Variants in AGTPBP1 observed in about 807,000 individuals in gnomAD.
The protein encoded by AGTPBP1 is ATP/GTP binding carboxypeptidase 1, also known as cytosolic carboxypeptidase 1.
Under a neutral mutation model 143.9 loss-of-function variants are expected in AGTPBP1, and 70 were observed. That is an observed-to-expected ratio of 0.49 (90% CI 0.40 to 0.59). AGTPBP1 has a LOEUF of 0.59. Among genes scored for constraint, AGTPBP1 ranks in the 20% least tolerant of loss-of-function variants. The pLI is 0.00. For synonymous variants in AGTPBP1, 463 were observed against 500.2 expected, an observed-to-expected ratio of 0.93 and a Z score of 0.99; for missense variants, 1,229 against 1,464.5, an observed-to-expected ratio of 0.84 and a Z score of 2.62.
chr9:85,735,174 A>C (rs1049385499), intron 1 of AGTPBP1, among the ~76,000 whole-genome samples: 15 of 152,242 alleles, frequency 9.9e-5, no homozygotes, highest in African/African-American at 3.1e-4. Context: ...TCTGGTATAT[A>C]CATATAACAG....
chr9:85,778,698 G>T, the AGTPBP1 span, among the ~76,000 whole-genome samples: 1 of 152,138 alleles, frequency 6.6e-6, no homozygotes, highest in Non-Finnish European at 1.5e-5. Flanking sequence ...AGGAAGGGCC[G>T]AATGCAGCAA....
chr9:85,665,633 C>T (rs1360518604), intron 8 of AGTPBP1, among the ~76,000 whole-genome samples: 1 of 152,084 alleles, frequency 6.6e-6, no homozygotes, highest in Non-Finnish European at 1.5e-5. Flanking sequence ...ACTCTTTCTC[C>T]CTACTGGTAG....
At chr9:85,728,300 A>G (rs1838653816) in intron 1 of AGTPBP1, among the ~76,000 whole-genome samples, 1 of 152,110 alleles carries the variant, frequency 6.6e-6, no homozygotes, top group Admixed American at 6.6e-5. Context: ...CCTTTCTCTG[A>G]ATCTTGTGCT....
intron 8 of AGTPBP1, among the ~76,000 whole-genome samples, chr9:85,662,920 C>A (rs1224406166): frequency 6.6e-6 from 1 of 151,800 alleles, no homozygotes; most frequent in African/African-American, 2.4e-5. Flanking sequence ...GTTTAAGATA[C>A]TGGATATTAA....
At chr9:85,616,229 G>A (rs1393822593) in intron 17 of AGTPBP1, among the ~76,000 whole-genome samples, 3 of 151,882 alleles carry the variant, frequency 2.0e-5, no homozygotes, top group African/African-American at 4.8e-5. Flanking sequence ...AGTGAGTTTG[G>A]AAAGTGTGAT....
intron 25 of AGTPBP1, among the ~76,000 whole-genome samples, chr9:85,562,444 A>T (rs1375112469): frequency 6.6e-6 from 1 of 152,250 alleles, no homozygotes; most frequent in Admixed American, 6.5e-5. Flanking sequence ...GCTTACATAC[A>T]TAGTAACACC....
At chr9:85,738,425 T>A (rs1823968730) in intron 1 of AGTPBP1, among the ~76,000 whole-genome samples, 1 of 151,746 alleles carries the variant, frequency 6.6e-6, no homozygotes, top group South Asian at 2.1e-4. Flanking sequence ...AAAAAGAAAA[T>A]GCTTAGATAA....
rs762052181 is a variant in AGTPBP1, at chr9:85,642,904, G to T, written c.1225C>A (p.Gln409Lys). 3 of 1,613,350 alleles carry T rather than the reference G, an allele frequency of 1.9e-6. No homozygotes were observed. Among genetic ancestry groups the T allele is most frequent in the Non-Finnish European group, 2.5e-6 (3 of 1,179,830 alleles). The change falls in exon 13 of 26, where the codon CAG (glutamine) becomes AAG (lysine). Residue 409 changes from glutamine to lysine, a missense_variant. Physicochemically the swap from Gln to Lys is moderately conservative, Grantham distance 53 (BLOSUM62 1). Coordinates refer to ENST00000357081, the MANE Select transcript of AGTPBP1 (RefSeq NM_001330701.2). ...IETDINKLKP[Q>K]QEPGRTIEDL... ...TCTATTGTTCGTCCCGGTTCTTGCT[G>T]GGGTTTTAGTTTGTTAATATCTGTT...
At chr9:85,634,681 G>A (rs1414154352) in intron 13 of AGTPBP1, among the ~76,000 whole-genome samples, 1 of 152,150 alleles carries the variant, frequency 6.6e-6, no homozygotes, top group Non-Finnish European at 1.5e-5. Context: ...GATAAATAAG[G>A]TGTATATTGA....
At chr9:85,620,799 G>C (rs778060430) in intron 15 of AGTPBP1, among the ~76,000 whole-genome samples, 1 of 152,148 alleles carries the variant, frequency 6.6e-6, no homozygotes, top group Non-Finnish European at 1.5e-5. Context: ...ATGCTCCTTC[G>C]AAAGGGATGG....
the AGTPBP1 span, among the ~76,000 whole-genome samples, chr9:85,792,550 A>G: frequency 2.0e-5 from 3 of 152,244 alleles, no homozygotes; most frequent in Non-Finnish European, 4.4e-5. Flanking sequence ...GTTAGACATG[A>G]CTAGAAAGAC....
At chr9:85,617,082 G>T (rs1667985030) in intron 17 of AGTPBP1, among the ~76,000 whole-genome samples, 1 of 151,988 alleles carries the variant, frequency 6.6e-6, no homozygotes, top group Non-Finnish European at 1.5e-5. Context: ...TCATACATGT[G>T]AAGTAATTCT....
chr9:85,641,109 C>A (rs1189631484), intron 13 of AGTPBP1, among the ~76,000 whole-genome samples: 5 of 152,030 alleles, frequency 3.3e-5, no homozygotes, highest in African/African-American at 1.2e-4. Flanking sequence ...GCTACCAGAT[C>A]AAAAAAACAT....
intron 17 of AGTPBP1, among the ~76,000 whole-genome samples, chr9:85,599,065 T>A (rs753692313): frequency 6.6e-5 from 10 of 151,566 alleles, no homozygotes; most frequent in Non-Finnish European, 1.3e-4. Flanking sequence ...TTTAATTTCA[T>A]TTGCCTAGTT....
the AGTPBP1 span, among the ~76,000 whole-genome samples, chr9:85,761,512 G>A: frequency 2.0e-5 from 3 of 152,070 alleles, no homozygotes; most frequent in East Asian, 3.9e-4. Context: ...TGACAAAAAC[G>A]AGAAATGGGG....
chr9:85,616,606 CG>C (rs1830615213), intron 17 of AGTPBP1, among the ~76,000 whole-genome samples: 1 of 151,828 alleles, frequency 6.6e-6, no homozygotes, highest in Admixed American at 6.6e-5. Flanking sequence ...ATATTTTACT[CG>C]TAAGGTGCAC....
At chr9:85,673,390 T>G (rs1373108488) in intron 6 of AGTPBP1, among the ~76,000 whole-genome samples, 1 of 152,054 alleles carries the variant, frequency 6.6e-6, no homozygotes, top group Non-Finnish European at 1.5e-5. Flanking sequence ...CAAATGTCCA[T>G]TACAATAATA....
In AGTPBP1 at chr9:85,578,985, T is replaced by C. The variant is rs1828069303; in HGVS notation, c.3277A>G (p.Ile1093Val). 1 of 1,613,402 alleles carries C rather than the reference T, an allele frequency of 6.2e-7. No homozygotes were observed. The highest frequency in any genetic ancestry group is 8.5e-7 in the Non-Finnish European group (1 of 1,179,752). ...STARVVVWRE[I>V]GVQRSYTMES... ...ATGGTATAACTTCTTTGTACTCCTA[T>C]TTCCCTCCAAACTACAACACGTGCT... is the stretch of plus-strand genomic sequence containing the variant. The change falls in exon 24 of 26, where the codon ATA becomes GTA. Residue 1093 changes from isoleucine (I) to valine (V), a missense_variant. Coordinates refer to ENST00000357081, the MANE Select transcript of AGTPBP1 (RefSeq NM_001330701.2).
At chr9:85,741,649 G>A (rs1824293389) in intron 1 of AGTPBP1, 126 bp downstream of exon 1, 5 of 1,249,074 alleles carry the variant, frequency 4.0e-6, no homozygotes, top group South Asian at 3.2e-5. Context: ...CAACCCGTCA[G>A]GTAAGGGGCG....
Sources: allele counts gnomAD v4.1 joint callset (sites outside exome capture counted in the v4.1 genomes callset), GRCh38; gene constraint gnomAD v4.1.1; transcripts MANE v1.5; gene names NCBI Gene and HGNC (gene_info 2026-07-23, HGNC 2026-07-21).